The following TP63 variants were observed in gnomAD, a reference collection of about 807,000 sequenced individuals.
The protein encoded by TP63 is tumor protein 63.
A neutral mutation model predicts 82.8 loss-of-function variants in TP63; 17 were observed. The ratio of observed to expected loss-of-function variants is 0.21; its 90% confidence interval spans 0.14 to 0.31. The LOEUF (loss-of-function observed/expected upper bound fraction) is 0.31, where lower values mean the gene tolerates loss of function less well. Among genes scored for constraint, TP63 ranks in the 10% least tolerant of loss-of-function variants. TP63 has a pLI of 1.00. For missense variants in TP63, 648 were observed against 895.3 expected (o/e 0.72, Z 3.52); for synonymous variants, 330 against 321.7 (o/e 1.03, Z -0.28).
chr3:189,640,248 C>G (rs1455682852), intron 1 of TP63, among the ~76,000 whole-genome samples: 3 of 151,962 alleles, frequency 2.0e-5, no homozygotes, highest in Admixed American at 6.6e-5. Flanking sequence ...TCCTTTTAAC[C>G]CTTTTGTTAT....
intron 3 of TP63, among the ~76,000 whole-genome samples, chr3:189,773,428 T>G (rs141218104): frequency 1.3e-5 from 2 of 152,348 alleles, no homozygotes; most frequent in African/African-American, 4.8e-5. Context: ...ATAAGGTGGA[T>G]GGACCCTGTT....
chr3:189,726,773 C>T (rs1208023903), intron 1 of TP63, among the ~76,000 whole-genome samples: 1 of 152,160 alleles, frequency 6.6e-6, no homozygotes, highest in Non-Finnish European at 1.5e-5. Context: ...TTTTGTACTC[C>T]ACATATAATG....
At chr3:189,664,122 C>T (rs1396595177) in intron 1 of TP63, among the ~76,000 whole-genome samples, 1 of 151,948 alleles carries the variant, frequency 6.6e-6, no homozygotes, top group South Asian at 2.1e-4. Flanking sequence ...CTGACTTCCC[C>T]CTAAACTATA....
intron 3 of TP63, among the ~76,000 whole-genome samples, chr3:189,786,252 AT>A (rs1430937872): frequency 2.0e-5 from 3 of 152,188 alleles, no homozygotes; most frequent in Admixed American, 6.6e-5. Flanking sequence ...ATGTGAAAAC[AT>A]TCAAAAATCC....
chr3:189,603,148 G>A, the TP63 span, among the ~76,000 whole-genome samples: 1 of 152,096 alleles, frequency 6.6e-6, no homozygotes, highest in Non-Finnish European at 1.5e-5. Flanking sequence ...AGTGGGACAG[G>A]CAAACGTGCT....
At chr3:189,831,532 C>T (rs1320534429) in intron 4 of TP63, among the ~76,000 whole-genome samples, 6 of 151,692 alleles carry the variant, frequency 4.0e-5, no homozygotes, top group East Asian at 3.9e-4. Flanking sequence ...GATGAGGACA[C>T]GGAAGCTCAC....
intron 11 of TP63, among the ~76,000 whole-genome samples, chr3:189,887,126 T>A (rs1720528894): frequency 6.6e-6 from 1 of 151,598 alleles, no homozygotes; most frequent in Non-Finnish European, 1.5e-5. Context: ...TGAAAATCAC[T>A]TGAACCCGGG....
intron 7 of TP63, 110 bp from the exon 8 acceptor site, chr3:189,868,470 T>A (rs1206859263): frequency 1.5e-5 from 23 of 1,507,908 alleles, no homozygotes; most frequent in Middle Eastern, 2.3e-4. Flanking sequence ...ATGGCTAAGC[T>A]GGTAGTACGT....
chr3:189,694,577 T>C (rs766073539), intron 1 of TP63, among the ~76,000 whole-genome samples: 19 of 152,022 alleles, frequency 1.2e-4, no homozygotes, highest in Non-Finnish European at 2.5e-4. Context: ...TAAACCTGGG[T>C]TTATGTTCTT....
At chr3:189,842,818 C>A (rs1310737981) in intron 4 of TP63, among the ~76,000 whole-genome samples, 1 of 152,232 alleles carries the variant, frequency 6.6e-6, no homozygotes, top group Non-Finnish European at 1.5e-5. Flanking sequence ...AAGAGTAAGC[C>A]GACCTTAACA....
chr3:189,818,191 A>G (rs1309742058), intron 4 of TP63, among the ~76,000 whole-genome samples: 1 of 151,858 alleles, frequency 6.6e-6, no homozygotes, highest in Admixed American at 6.6e-5. Flanking sequence ...AATTCTTTTT[A>G]TTCCTACTTT....
intron 4 of TP63, among the ~76,000 whole-genome samples, chr3:189,857,079 A>T (rs1293130530): frequency 6.6e-6 from 1 of 152,148 alleles, no homozygotes; most frequent in African/African-American, 2.4e-5. Context: ...AACAATTTTT[A>T]AAAAGAACAA....
intron 3 of TP63, among the ~76,000 whole-genome samples, chr3:189,790,386 C>T (rs186075893): frequency 2.6e-4 from 40 of 152,082 alleles, no homozygotes; most frequent in South Asian, 2.1e-4. Context: ...ACGTTTCTGT[C>T]GTCTGGAGGG....
the TP63 span, among the ~76,000 whole-genome samples, chr3:189,612,424 G>C: frequency 6.6e-6 from 1 of 151,900 alleles, no homozygotes; most frequent in African/African-American, 2.4e-5. Flanking sequence ...TGTAAGAAGT[G>C]CTTTTCACCT....
rs1458212304 is a variant in TP63 at position 189,886,514 on chromosome 3, C to T, written c.1470C>T (p.Leu490=). 6 of 1,614,124 alleles carry T rather than the reference C, an allele frequency of 3.7e-6. No individual in the cohort carries two copies. In the Middle Eastern group the frequency reaches 4.9e-4, roughly 133 times the overall value. Residue 490 remains leucine, a synonymous_variant, in exon 11 of 14, where the codon CTC becomes CTT. Coordinates refer to ENST00000264731, the MANE Select transcript of TP63 (RefSeq NM_003722.5). ...QLINPQQRNA[L]TPTTIPDGMG... is the part of the protein sequence containing the mutation. Reference sequence around the variant, plus strand: ...TCAACCCTCAGCAGCGCAACGCCCTCACTCCTACAACCATTCCTGATGGCA... The same window carrying T: ...TCAACCCTCAGCAGCGCAACGCCCTTACTCCTACAACCATTCCTGATGGCA...
intron 3 of TP63, among the ~76,000 whole-genome samples, chr3:189,758,168 G>A (rs1343448216): frequency 6.6e-6 from 1 of 152,196 alleles, no homozygotes; most frequent in Admixed American, 6.6e-5. Flanking sequence ...ATTCTCATAA[G>A]GAGCACACAA....
chr3:189,740,162 T>C lies in TP63; in HGVS notation c.324+1388T>C, dbSNP rs1313525438. On this transcript the variant is annotated intron_variant, in intron 3 of 13. Transcript: ENST00000264731. The stretch of plus-strand genomic sequence containing the variant: ...GACTCTTTTCATTCCAATACAGATA[T>C]AGTTCTCAATCCTTGAGCCAATGAA... Among the ~76,000 whole-genome samples, 3 of 152,222 alleles carry C rather than the reference T, an allele frequency of 2.0e-5. No homozygotes were observed. In the East Asian group the frequency reaches 5.8e-4, roughly 29 times the overall value.
rs560526858 is a variant in TP63 at position 189,722,032 on chromosome 3, A to G, written c.63-15708A>G. Among the ~76,000 whole-genome samples, 3 of 152,322 alleles carry G rather than the reference A, an allele frequency of 2.0e-5. No homozygotes were observed. The South Asian group carries it at 6.2e-4, about 32-fold the overall frequency. On this transcript the variant is annotated intron_variant, in intron 1 of 13. Transcript: ENST00000264731. Reference sequence around the variant, plus strand: ...GAGAAGTAGGAAGGATGGATTGGAGAGATCTTACTGAGGATGAATTAGGTC... The same window carrying G: ...GAGAAGTAGGAAGGATGGATTGGAGGGATCTTACTGAGGATGAATTAGGTC...
At chr3:189,656,457 C>A (rs1435997604) in intron 1 of TP63, among the ~76,000 whole-genome samples, 1 of 151,984 alleles carries the variant, frequency 6.6e-6, no homozygotes, top group East Asian at 1.9e-4. Flanking sequence ...GAACAAAGAA[C>A]ATAAGCAATG....
Sources: gnomAD v4.1 joint callset for allele counts (sites outside exome capture counted in the v4.1 genomes callset) on GRCh38, gnomAD v4.1.1 for gene constraint, MANE v1.5 for transcripts, NCBI Gene and HGNC (gene_info 2026-07-23, HGNC 2026-07-21) for gene names.